PDYN: variants seen among roughly 807,000 people sequenced by gnomAD.
PDYN encodes proenkephalin-B.
PDYN carries 5 observed loss-of-function variants against 11.4 expected under a neutral mutation model. The ratio of observed to expected loss-of-function variants is 0.44; its 90% CI spans 0.23 to 0.92. PDYN has a LOEUF of 0.92. Among genes scored for constraint, PDYN ranks in the 40% least tolerant of loss-of-function variants. The pLI, the probability that PDYN is intolerant of heterozygous loss-of-function variation, is 0.24. For synonymous variants in PDYN, 132 were observed against 129.5 expected, an observed-to-expected ratio of 1.02 and a Z score of -0.13; for missense variants, 337 against 317.3, an observed-to-expected ratio of 1.06 and a Z score of -0.47.
At chr20:1,989,903 G>A (rs893822683) in intron 2 of PDYN, among the ~76,000 whole-genome samples, 5 of 152,094 alleles carry the variant, frequency 3.3e-5, no homozygotes, top group African/African-American at 4.8e-5. Context: ...CACCAGCCCC[G>A]TGCACTCCAG....
At chr20:1,987,398 T>C (rs776596761) in intron 2 of PDYN, among the ~76,000 whole-genome samples, 4 of 152,218 alleles carry the variant, frequency 2.6e-5, no homozygotes, top group Non-Finnish European at 5.9e-5. Context: ...AAAATCTCAA[T>C]TTTCAATTTG....
chr20:1,991,713 C>T (rs778650501), intron 2 of PDYN, among the ~76,000 whole-genome samples: 3 of 152,156 alleles, frequency 2.0e-5, no homozygotes, highest in Non-Finnish European at 2.9e-5. Flanking sequence ...GCATTGAAAT[C>T]GAACCAGTAA....
intron 2 of PDYN, among the ~76,000 whole-genome samples, chr20:1,987,529 C>T (rs1179912307): frequency 2.0e-5 from 3 of 152,200 alleles, no homozygotes; most frequent in Admixed American, 6.5e-5. Flanking sequence ...CCCTCACTGC[C>T]GACTGCCTGA....
chr20:1,990,730 T>C (rs1988397448), intron 2 of PDYN, among the ~76,000 whole-genome samples: 1 of 151,684 alleles, frequency 6.6e-6, no homozygotes, highest in Admixed American at 6.6e-5. Flanking sequence ...TTTTGTTATC[T>C]GGTGCAATTA....
At chr20:1,992,372 T>C (rs1311857479) in intron 2 of PDYN, among the ~76,000 whole-genome samples, 1 of 152,192 alleles carries the variant, frequency 6.6e-6, no homozygotes, top group Non-Finnish European at 1.5e-5. Context: ...ATCTCTCAAA[T>C]AGCCCCAGAG....
intron 2 of PDYN, among the ~76,000 whole-genome samples, chr20:1,990,146 G>A (rs1016456913): frequency 2.0e-5 from 3 of 152,202 alleles, no homozygotes; most frequent in African/African-American, 7.2e-5. Context: ...AATCCAGTGG[G>A]TTGGGAACTA....
Position 1,980,211 on chromosome 20 carries a change from C to A in PDYN, c.*112G>T. On this transcript the variant is annotated 3_prime_UTR_variant, in exon 4 of 4. Coordinates refer to ENST00000217305, the MANE Select transcript of PDYN (RefSeq NM_024411.5). ...AGGCTGGGCTTGGATATTTTGTACA[C>A]AATGCTGAGCTGAGCATGGGGAAGG... is the stretch of plus-strand genomic sequence containing the variant. 2 of 1,085,724 alleles carry A rather than the reference C, an allele frequency of 1.8e-6. No individual in the cohort carries two copies. Among genetic ancestry groups the A allele is most frequent in the Admixed American group, 1.7e-5 (1 of 58,324 alleles). The allele number at this position is 1,085,724 out of a possible 1,614,324, so 67.3% of individuals were successfully genotyped here.
At chr20:1,985,420 C>T (rs1052127004) in intron 2 of PDYN, among the ~76,000 whole-genome samples, 1 of 152,018 alleles carries the variant, frequency 6.6e-6, no homozygotes, top group African/African-American at 2.4e-5. Context: ...GGTGCAAGGC[C>T]TGCTCTGTTT....
At chr20:1,992,374 G>C (rs1414703852) in intron 2 of PDYN, among the ~76,000 whole-genome samples, 6 of 152,114 alleles carry the variant, frequency 3.9e-5, no homozygotes, top group African/African-American at 1.2e-4. Context: ...CTCTCAAATA[G>C]CCCCAGAGCT....
rs368706093 is a variant in PDYN at position 1,981,931 on chromosome 20, A to AAAATAAATAAATAAATAAAT, written c.130-993_130-974dup. On this transcript the variant is annotated intron_variant, in intron 3 of 3. Transcript: ENST00000217305. Reference sequence around the variant, plus strand: ...ACAGAGCAAGACTCTGTCTCAAACAAAAATAAATAAATAAATAAATAAATA... The same window carrying AAAATAAATAAATAAATAAAT: ...ACAGAGCAAGACTCTGTCTCAAACAAAAATAAATAAATAAATAAATAAATAAATAAATAAATAAATAAATA... 6.3e-5 allele frequency among the ~76,000 whole-genome samples: 9 copies of AAAATAAATAAATAAATAAAT among 143,580 alleles called. 1 individual carries two copies. Among genetic ancestry groups the AAAATAAATAAATAAATAAAT allele is most frequent in the African/African-American group, 1.9e-4 (7 of 37,382 alleles). 94.2% of individuals were successfully genotyped at this position (143,580 alleles called of 152,430 possible).
chr20:1,984,804 C>T (rs967733064), intron 2 of PDYN, among the ~76,000 whole-genome samples: 2 of 151,920 alleles, frequency 1.3e-5, no homozygotes, highest in Non-Finnish European at 2.9e-5. Flanking sequence ...GAAGCTGAGG[C>T]AGGAGAATCA....
intron 1 of PDYN, among the ~76,000 whole-genome samples, chr20:1,993,052 C>CTTTTT (rs57340342): frequency 1.7e-5 from 2 of 115,418 alleles, no homozygotes; most frequent in Non-Finnish European, 3.5e-5. Context: ...AGTCAGCAGG[C>CTTTTT]TTTTTTTTTT....
chr20:1,982,066 G>A (rs1172699031), intron 3 of PDYN, among the ~76,000 whole-genome samples: 1 of 151,656 alleles, frequency 6.6e-6, no homozygotes, highest in Non-Finnish European at 1.5e-5. Flanking sequence ...ACACCAGCCT[G>A]GCCAGCATGG....
At chr20:1,989,158 A>G (rs1201987632) in intron 2 of PDYN, among the ~76,000 whole-genome samples, 2 of 152,212 alleles carry the variant, frequency 1.3e-5, no homozygotes, top group Non-Finnish European at 2.9e-5. Flanking sequence ...ATATTCTTAA[A>G]TAATAAAACA....
chr20:1,980,415 G>T lies in PDYN; in HGVS notation c.673C>A (p.Arg225Ser). Residue 225 changes from arginine to serine, a missense_variant, in exon 4 of 4, where the codon CGC (arginine) becomes AGC (serine). Physicochemically the swap from Arg to Ser is moderately radical, Grantham distance 110 (BLOSUM62 -1). Coordinates refer to ENST00000217305, the MANE Select transcript of PDYN (RefSeq NM_024411.5). ...RPKLKWDNQKRYGGFLRRQFK... is the reference protein window; with the variant it reads ...RPKLKWDNQKSYGGFLRRQFK... Reference sequence around the variant, plus strand: ...TGGCGCCGGAGAAAACCGCCATAGCGCTTCTGGTTGTCCCACTTGAGCTTG... The same window carrying T: ...TGGCGCCGGAGAAAACCGCCATAGCTCTTCTGGTTGTCCCACTTGAGCTTG... 6.2e-7 allele frequency: 1 copy of T among 1,614,086 alleles called. No homozygotes were observed. The highest frequency in any genetic ancestry group is 8.5e-7 in the Non-Finnish European group (1 of 1,180,014).
Position 1,982,114 on chromosome 20 carries a change from G to T in PDYN, c.129+842C>A, listed in dbSNP as rs559584781. Among the ~76,000 whole-genome samples, 21 of 151,668 alleles carry T rather than the reference G, an allele frequency of 1.4e-4. No individual in the cohort carries two copies. In the East Asian group the frequency reaches 3.7e-3, roughly 27 times the overall value. On this transcript the variant is annotated intron_variant, in intron 3 of 3. Transcript: ENST00000217305. ...TCTACTAAAAATACAAAAATTAGCCGGGTGTGGTGGTGGGTGCCCATAGTC... is the reference window on the plus strand; with the variant it reads ...TCTACTAAAAATACAAAAATTAGCCTGGTGTGGTGGTGGGTGCCCATAGTC...
At chr20:1,993,192 C>T (rs1166414194) in intron 1 of PDYN, among the ~76,000 whole-genome samples, 1 of 151,798 alleles carries the variant, frequency 6.6e-6, no homozygotes, top group Non-Finnish European at 1.5e-5. Flanking sequence ...TGGCCTTAGA[C>T]TCCTCTGGCT....
chr20:1,993,176 T>G (rs571055927), intron 1 of PDYN, among the ~76,000 whole-genome samples: 2 of 151,180 alleles, frequency 1.3e-5, no homozygotes, highest in South Asian at 4.2e-4. Context: ...CCTTTGAGCC[T>G]CCTCCTGGCC....
chr20:1,983,280 G>T (rs575744684), intron 2 of PDYN, among the ~76,000 whole-genome samples, 177 bp from the exon 3 acceptor site: 2 of 152,252 alleles, frequency 1.3e-5, no homozygotes, highest in South Asian at 4.1e-4. Flanking sequence ...CAAAGCCAAG[G>T]GTCAAGGAAG....
Sources: allele counts gnomAD v4.1 joint callset (sites outside exome capture counted in the v4.1 genomes callset), GRCh38; gene constraint gnomAD v4.1.1; transcripts MANE v1.5; gene names NCBI Gene and HGNC (gene_info 2026-07-23, HGNC 2026-07-21).